SLCO1B3: variants seen among roughly 807,000 people sequenced by gnomAD.
SLCO1B3 encodes the protein liver-specific organic anion transporter 2.
Under a neutral mutation model 71.8 loss-of-function variants are expected in SLCO1B3, and 72 were observed. That is an observed-to-expected ratio of 1.00 (90% confidence interval 0.83 to 1.22). The LOEUF (loss-of-function observed/expected upper bound fraction) is 1.22. Ranked by LOEUF, SLCO1B3 falls within the 50% of genes most tolerant of loss-of-function variation. SLCO1B3 has a pLI of 0.00. For synonymous variants in SLCO1B3, 298 were observed against 278.4 expected (o/e 1.07, Z -0.70); for missense variants, 911 against 819.7 (o/e 1.11, Z -1.36).
intron 13 of SLCO1B3, among the ~76,000 whole-genome samples, chr12:20,896,776 G>T (rs897001969): frequency 2.7e-4 from 41 of 152,094 alleles, no homozygotes; most frequent in Non-Finnish European, 1.5e-5. Flanking sequence ...GTATTAGTTT[G>T]TTTTTACGCT....
chr12:20,895,625 T>C (rs58052332), intron 13 of SLCO1B3, among the ~76,000 whole-genome samples: 4,889 of 152,142 alleles, frequency 0.032, 239 homozygotes, highest in African/African-American at 0.11. Flanking sequence ...CCTGGCTGCC[T>C]TCTCGGGTTG....
intron 3 of SLCO1B3, among the ~76,000 whole-genome samples, chr12:20,846,296 C>T (rs1565587009): frequency 6.6e-6 from 1 of 152,132 alleles, no homozygotes; most frequent in Admixed American, 6.5e-5. Flanking sequence ...GAGAATATCT[C>T]ACATTTTCCT....
Position 20,855,127 on chromosome 12 carries a change from T to C in SLCO1B3, c.184T>C (p.Ser62Pro). The stretch of plus-strand genomic sequence containing the variant: ...TCAAATAGAAAGGAGATTTGACATA[T>C]CCTCTTCTCTTGCTGGTTTAATTGA... ...ITQIERRFDI[S>P]SSLAGLIDGS... Residue 62 changes from serine to proline, a missense_variant, in exon 4 of 16, where the codon TCC (serine) becomes CCC (proline). Ser to Pro is a moderately conservative substitution (Grantham distance 74). Coordinates refer to ENST00000381545, the MANE Select transcript of SLCO1B3 (RefSeq NM_019844.4). The C allele has an allele frequency of 3.1e-6, 5 of 1,612,226 alleles. No individual in the cohort carries two copies. Among genetic ancestry groups the C allele is most frequent in the Non-Finnish European group, 4.2e-6 (5 of 1,179,242 alleles).
intron 13 of SLCO1B3, among the ~76,000 whole-genome samples, chr12:20,894,380 T>A (rs538211810): frequency 2.6e-5 from 4 of 152,170 alleles, no homozygotes; most frequent in African/African-American, 7.2e-5. Flanking sequence ...GATGTAGGGG[T>A]GAGTGTGTGT....
At chr12:20,850,890 C>A (rs1865015169) in intron 3 of SLCO1B3, among the ~76,000 whole-genome samples, 1 of 152,278 alleles carries the variant, frequency 6.6e-6, no homozygotes, top group East Asian at 1.9e-4. Flanking sequence ...AAGTGCTTTT[C>A]ACAATGGTTG....
At chr12:20,901,185 C>A (rs1306693779) in intron 14 of SLCO1B3, among the ~76,000 whole-genome samples, 165 bp from the exon 15 acceptor site, 3 of 152,100 alleles carry the variant, frequency 2.0e-5, no homozygotes, top group Non-Finnish European at 2.9e-5. Flanking sequence ...TAAGCCTTTG[C>A]GATTTCTAAT....
At chr12:20,873,386 G>A (rs1323345945) in intron 8 of SLCO1B3, among the ~76,000 whole-genome samples, 1 of 152,106 alleles carries the variant, frequency 6.6e-6, no homozygotes, top group Non-Finnish European at 1.5e-5. Flanking sequence ...TGCTCACTCT[G>A]CACTAACCTA....
chr12:20,865,239 TTAAC>T (rs1310942456), intron 8 of SLCO1B3, among the ~76,000 whole-genome samples: 2 of 152,148 alleles, frequency 1.3e-5, no homozygotes, highest in African/African-American at 4.8e-5. Flanking sequence ...AGTTACTGAT[TTAAC>T]TAGTCATTTC....
At chr12:20,915,651 T>G (rs141767975) in intron 15 of SLCO1B3, among the ~76,000 whole-genome samples, 49 of 152,202 alleles carry the variant, frequency 3.2e-4, no homozygotes, top group Admixed American at 7.2e-4. Flanking sequence ...GCCTCAATCT[T>G]TTAGTGAGCC....
At chr12:20,826,669 CCAGT>C (rs1391303749) in intron 3 of SLCO1B3, among the ~76,000 whole-genome samples, 1 of 124,956 alleles carries the variant, frequency 8.0e-6, no homozygotes, top group Admixed American at 9.3e-5. Flanking sequence ...TCTTAAATAA[CCAGT>C]CATTTTAGAA....
intron 8 of SLCO1B3, among the ~76,000 whole-genome samples, chr12:20,864,430 G>C (rs1397118146): frequency 6.6e-6 from 1 of 152,142 alleles, no homozygotes; most frequent in Non-Finnish European, 1.5e-5. Flanking sequence ...ACTCCAAAGA[G>C]ACCAAAGGAT....
intron 15 of SLCO1B3, among the ~76,000 whole-genome samples, chr12:20,904,707 T>C (rs1391023298): frequency 6.7e-6 from 1 of 150,326 alleles, no homozygotes; most frequent in East Asian, 2.0e-4. Flanking sequence ...GTATAGGTTT[T>C]TCATGAGGGC....
At chr12:20,819,805 G>A (rs1037585643) in intron 3 of SLCO1B3, among the ~76,000 whole-genome samples, 42 of 152,196 alleles carry the variant, frequency 2.8e-4, no homozygotes, top group African/African-American at 1.0e-3. Context: ...ATGATAAGGG[G>A]TGCATGATCG....
chr12:20,822,216 A>G (rs551882699), intron 3 of SLCO1B3, among the ~76,000 whole-genome samples: 4 of 152,198 alleles, frequency 2.6e-5, no homozygotes, highest in Non-Finnish European at 5.9e-5. Flanking sequence ...GAGACCACCA[A>G]ACAGGCTTTG....
intron 9 of SLCO1B3, 86 bp downstream of exon 9, chr12:20,875,563 A>G: frequency 7.5e-7 from 1 of 1,341,156 alleles, no homozygotes; most frequent in East Asian, 2.4e-5. Flanking sequence ...AGCATACTCA[A>G]ATCATCTAGA....
chr12:20,855,226 G>C, intron 4 of SLCO1B3, 57 bp downstream of exon 4: 1 of 1,416,190 alleles, frequency 7.1e-7, no homozygotes, highest in Non-Finnish European at 9.8e-7. Context: ...AAAACAAACT[G>C]TTCATGCATG....
intron 3 of SLCO1B3, among the ~76,000 whole-genome samples, chr12:20,822,133 C>T (rs1850012): frequency 0.53 from 80,640 of 151,956 alleles, 22,028 homozygotes; most frequent in East Asian, 0.74. Flanking sequence ...AGCAGGAGGA[C>T]GGGGGATTGA....
At chr12:20,827,740 T>A (rs572343372) in intron 3 of SLCO1B3, among the ~76,000 whole-genome samples, 95 of 152,086 alleles carry the variant, frequency 6.2e-4, no homozygotes, top group Admixed American at 2.0e-3. Flanking sequence ...CCAATCTAAT[T>A]TTTGTATTTT....
intron 13 of SLCO1B3, among the ~76,000 whole-genome samples, chr12:20,889,350 T>C (rs1272181483): frequency 6.6e-6 from 1 of 152,040 alleles, no homozygotes; most frequent in Non-Finnish European, 1.5e-5. Context: ...AGGAGATTTT[T>C]TAATTATTAT....
Sources: allele counts gnomAD v4.1 joint callset (sites outside exome capture counted in the v4.1 genomes callset), GRCh38; gene constraint gnomAD v4.1.1; transcripts MANE v1.5; gene names NCBI Gene and HGNC (gene_info 2026-07-23, HGNC 2026-07-21).